The following PTPN13 variants were observed in gnomAD, a reference collection of about 807,000 sequenced individuals.
The protein encoded by PTPN13 is protein tyrosine phosphatase non-receptor type 13, also known as tyrosine-protein phosphatase non-receptor type 13.
In PTPN13, 191 loss-of-function variants were observed where a neutral mutation model predicts 284.0. That is an observed-to-expected ratio of 0.67 (90% CI 0.60 to 0.76). The LOEUF (loss-of-function observed/expected upper bound fraction) is 0.76, where lower values mean the gene tolerates loss of function less well. PTPN13 is among the 30% of genes least tolerant of loss of function. The pLI, the probability that PTPN13 is intolerant of heterozygous loss-of-function variation, is 0.00. For missense variants in PTPN13, 2,797 were observed against 2,939.9 expected, an observed-to-expected ratio of 0.95 and a Z score of 1.12; for synonymous variants, 986 against 1,022.3, an observed-to-expected ratio of 0.96 and a Z score of 0.68.
intron 42 of PTPN13, among the ~76,000 whole-genome samples, chr4:86,800,661 AAGAGAG>A (rs764633838): frequency 2.0e-5 from 3 of 150,566 alleles, no homozygotes; most frequent in Non-Finnish European, 3.0e-5. Context: ...GAAAGAAAGA[AAGAGAG>A]AGAGAGAAAG....
Position 86,705,333 on chromosome 4 carries a change from C to CAAAAAAAAAAAAAAAAAAAAAA in PTPN13, c.1195+3547_1195+3548insAAAAAAAAAAAAAAAAAAAAAA, listed in dbSNP as rs759784072. Among the ~76,000 whole-genome samples the CAAAAAAAAAAAAAAAAAAAAAA allele has an allele frequency of 4.8e-3, 455 of 95,178 alleles. 11 individuals are homozygous for CAAAAAAAAAAAAAAAAAAAAAA. Among genetic ancestry groups the CAAAAAAAAAAAAAAAAAAAAAA allele is most frequent in the Non-Finnish European group, 7.7e-3 (355 of 46,244 alleles). The allele number at this position is 95,178 out of a possible 152,430, so 62.4% of individuals were successfully genotyped here. A position where few individuals can be genotyped will look rare whatever the true frequency, so the allele number is the denominator to read the frequency against. Reference sequence around the variant, plus strand: ...TGGGTGACAGAGCAAGACTCCGTCTCAAAAAAAAAAAAAAAGACATGCGCA... The same window carrying CAAAAAAAAAAAAAAAAAAAAAA: ...TGGGTGACAGAGCAAGACTCCGTCTCAAAAAAAAAAAAAAAAAAAAAAAAAAAAAAAAAAAAAGACATGCGCA... On this transcript the variant is annotated intron_variant, in intron 7 of 47. Transcript: ENST00000411767.
chr4:86,621,727 T>A (rs951651866), intron 1 of PTPN13, among the ~76,000 whole-genome samples: 3 of 152,190 alleles, frequency 2.0e-5, no homozygotes, highest in Non-Finnish European at 4.4e-5. Flanking sequence ...ACATAGCTGG[T>A]CCAGAGTTTG....
intron 4 of PTPN13, 72 bp downstream of exon 4, chr4:86,686,847 C>A: frequency 9.3e-7 from 1 of 1,071,070 alleles, no homozygotes; most frequent in Non-Finnish European, 1.4e-6. Context: ...ATAGCTCTTC[C>A]ACACGTTTAT....
chr4:86,751,239 G>A, intron 19 of PTPN13, 115 bp downstream of exon 19: 1 of 727,662 alleles, frequency 1.4e-6, no homozygotes. Flanking sequence ...TGCCAAAACT[G>A]AATATAAATT....
rs996706021 is a variant in PTPN13 at position 86,679,548 on chromosome 4, G to A, written c.294+7005G>A. Among the ~76,000 whole-genome samples the A allele has an allele frequency of 7.2e-5, 11 of 152,146 alleles. 1 individual carries two copies. Among genetic ancestry groups the A allele is most frequent in the Admixed American group, 5.2e-4 (8 of 15,264 alleles). ...GACGCAGCCACCTATGTTTTATCAGGCCCTTCAGGTGATTCTGATGCATAA... is the reference window on the plus strand; with the variant it reads ...GACGCAGCCACCTATGTTTTATCAGACCCTTCAGGTGATTCTGATGCATAA... On this transcript the variant is annotated intron_variant, in intron 3 of 47. Transcript: ENST00000411767.
At chr4:86,600,933 G>T (rs533800160) in intron 1 of PTPN13, among the ~76,000 whole-genome samples, 2 of 152,036 alleles carry the variant, frequency 1.3e-5, no homozygotes, top group South Asian at 4.1e-4. Context: ...AAATTCCCTT[G>T]TCAGTGTCTT....
At chr4:86,642,327 A>G (rs576511585) in intron 2 of PTPN13, among the ~76,000 whole-genome samples, 19 of 152,050 alleles carry the variant, frequency 1.2e-4, no homozygotes, top group Admixed American at 1.2e-3. Context: ...TTCAATTAGG[A>G]AGTTAATTGT....
intron 2 of PTPN13, among the ~76,000 whole-genome samples, chr4:86,639,222 G>A (rs1324043621): frequency 6.6e-6 from 1 of 151,790 alleles, no homozygotes; most frequent in Non-Finnish European, 1.5e-5. Context: ...CTTTTACACT[G>A]TTGGTGGGAC....
chr4:86,805,792 T>C (rs1323343848), intron 44 of PTPN13, among the ~76,000 whole-genome samples: 1 of 152,200 alleles, frequency 6.6e-6, no homozygotes, highest in African/African-American at 2.4e-5. Flanking sequence ...AATAGCTGTA[T>C]ATATATGCAT....
chr4:86,760,727 G>GT (rs910684283), intron 23 of PTPN13, among the ~76,000 whole-genome samples: 40 of 150,854 alleles, frequency 2.7e-4, no homozygotes, highest in African/African-American at 6.1e-4. Flanking sequence ...GTTTTGTGTG[G>GT]TTTTTTTTTC....
intron 2 of PTPN13, among the ~76,000 whole-genome samples, chr4:86,659,161 A>G (rs530913489): frequency 1.2e-4 from 19 of 152,250 alleles, no homozygotes; most frequent in African/African-American, 4.6e-4. Flanking sequence ...GTTCTCTATG[A>G]CCTGCATTAG....
intron 2 of PTPN13, among the ~76,000 whole-genome samples, chr4:86,661,433 G>T (rs1451404076): frequency 6.6e-6 from 1 of 152,096 alleles, no homozygotes; most frequent in Non-Finnish European, 1.5e-5. Flanking sequence ...GGGGTGATGT[G>T]TGTCAGTCAT....
intron 2 of PTPN13, among the ~76,000 whole-genome samples, chr4:86,661,936 G>T (rs1480058297): frequency 6.6e-6 from 1 of 152,104 alleles, no homozygotes; most frequent in Non-Finnish European, 1.5e-5. Flanking sequence ...TATGCAGATT[G>T]CAGAGATGGA....
rs572841527 is a variant in PTPN13 at position 86,750,483 on chromosome 4, T to A, written c.2664T>A (p.Phe888Leu). 64 of 1,612,882 alleles carry A rather than the reference T, an allele frequency of 4.0e-5. No individual in the cohort carries two copies. The South Asian group carries it at 6.7e-4, about 17-fold the overall frequency. ...QDAQDIERAS[F>L]RSLNLQAESV... ...ATTTCCTTGTAGAGAGAGCTTCGTT[T>A]AGGAGCCTGAATCTCCAAGCAGAGT... The change falls in exon 18 of 48, where the codon TTT (phenylalanine) becomes TTA (leucine). Residue 888 changes from phenylalanine to leucine, a missense_variant. Transcript: ENST00000411767.
intron 1 of PTPN13, among the ~76,000 whole-genome samples, chr4:86,603,375 A>G (rs1394973563): frequency 6.6e-6 from 1 of 152,174 alleles, no homozygotes; most frequent in Non-Finnish European, 1.5e-5. Context: ...TCTCACACAG[A>G]ATTATTACTT....
intron 2 of PTPN13, among the ~76,000 whole-genome samples, chr4:86,648,563 TC>T (rs1180260059): frequency 1.3e-5 from 2 of 152,286 alleles, no homozygotes; most frequent in East Asian, 3.9e-4. Flanking sequence ...AGGATTTTAT[TC>T]TTTTAATATG....
Position 86,772,849 on chromosome 4 carries a change from C to G in PTPN13, c.5240C>G (p.Ser1747Cys), listed in dbSNP as rs377036483. 3.0e-5 allele frequency: 48 copies of G among 1,613,302 alleles called. No individual in the cohort carries two copies. The highest frequency in any genetic ancestry group is 1.5e-4 in the Admixed American group (9 of 59,984). The change falls in exon 32 of 48, where the codon TCT becomes TGT. Residue 1747 changes from serine (S) to cysteine (C), a missense_variant. Coordinates refer to ENST00000411767, the MANE Select transcript of PTPN13 (RefSeq NM_080683.3). ...CAACCCCAATCAGAATCTGCTTCCT[C>G]TAGTTCGATGGATAAGTATCATATA... ...SYQPQSESAS[S>C]SSMDKYHIHH...
intron 10 of PTPN13, among the ~76,000 whole-genome samples, chr4:86,722,991 T>C (rs1733839211): frequency 6.6e-6 from 1 of 152,242 alleles, no homozygotes; most frequent in Admixed American, 6.5e-5. Flanking sequence ...TGTGGGTGGA[T>C]ATTTTTATGT....
At chr4:86,715,989 C>A (rs140249820) in intron 7 of PTPN13, among the ~76,000 whole-genome samples, 1 of 152,336 alleles carries the variant, frequency 6.6e-6, no homozygotes, top group African/African-American at 2.4e-5. Context: ...AAATGCTTAT[C>A]TTATTCTGGT....
Sources: gnomAD v4.1 joint callset for allele counts (sites outside exome capture counted in the v4.1 genomes callset) on GRCh38, gnomAD v4.1.1 for gene constraint, MANE v1.5 for transcripts, NCBI Gene and HGNC (gene_info 2026-07-23, HGNC 2026-07-21) for gene names.